SSBP2: variants seen among roughly 807,000 people sequenced by gnomAD.
The protein encoded by SSBP2 is single-stranded DNA-binding protein 2.
A neutral mutation model predicts 61.8 loss-of-function variants in SSBP2; 17 were observed. The ratio of observed to expected loss-of-function variants is 0.28; its 90% CI spans 0.19 to 0.41. The LOEUF (loss-of-function observed/expected upper bound fraction) is 0.41. SSBP2 is among the 10% of genes least tolerant of loss of function. The pLI is 1.00. For missense variants in SSBP2, 310 were observed against 458.7 expected, an observed-to-expected ratio of 0.68 and a Z score of 2.96; for synonymous variants, 139 against 141.3, an observed-to-expected ratio of 0.98 and a Z score of 0.12.
chr5:81,686,161 C>G (rs1752757122), intron 1 of SSBP2, among the ~76,000 whole-genome samples: 3 of 152,158 alleles, frequency 2.0e-5, no homozygotes, highest in Admixed American at 6.5e-5. Context: ...AAATAAAGAG[C>G]CACATTTATC....
intron 5 of SSBP2, among the ~76,000 whole-genome samples, chr5:81,491,364 TTTAGAAGTG>T (rs1478186095): frequency 6.6e-6 from 1 of 152,220 alleles, no homozygotes; most frequent in Non-Finnish European, 1.5e-5. Flanking sequence ...GAGATAAATA[TTTAGAAGTG>T]CCTCACTTGA....
chr5:81,493,495 C>T (rs909612978), intron 5 of SSBP2, among the ~76,000 whole-genome samples: 1 of 152,124 alleles, frequency 6.6e-6, no homozygotes, highest in African/African-American at 2.4e-5. Context: ...GTGACTCACA[C>T]CTGTAATCCC....
intron 2 of SSBP2, among the ~76,000 whole-genome samples, chr5:81,649,391 G>A (rs1183359405): frequency 6.6e-6 from 1 of 152,008 alleles, no homozygotes; most frequent in Non-Finnish European, 1.5e-5. Context: ...CCTATCAGTG[G>A]TGGATTAGAT....
chr5:81,429,391 G>A (rs188790355), intron 15 of SSBP2, among the ~76,000 whole-genome samples: 32 of 152,234 alleles, frequency 2.1e-4, no homozygotes, highest in African/African-American at 7.2e-4. Flanking sequence ...CACCAAGTTA[G>A]CAGTGCGTTG....
At chr5:81,724,426 T>G (rs1755739841) in intron 1 of SSBP2, among the ~76,000 whole-genome samples, 1 of 152,036 alleles carries the variant, frequency 6.6e-6, no homozygotes, top group Non-Finnish European at 1.5e-5. Context: ...GGGGGAGGAC[T>G]TGCCCTATCA....
At chr5:81,742,598 G>A (rs1264268704) in intron 1 of SSBP2, among the ~76,000 whole-genome samples, 9 of 152,146 alleles carry the variant, frequency 5.9e-5, no homozygotes, top group South Asian at 2.1e-4. Flanking sequence ...ACAAATGGCC[G>A]GGCTCAGTGG....
intron 1 of SSBP2, among the ~76,000 whole-genome samples, chr5:81,695,933 G>A (rs1270518852): frequency 2.0e-5 from 3 of 152,092 alleles, no homozygotes; most frequent in Non-Finnish European, 4.4e-5. Flanking sequence ...AAATGCATGA[G>A]TAATATTTTA....
chr5:81,467,697 T>C (rs1393919978), intron 8 of SSBP2, among the ~76,000 whole-genome samples: 4 of 152,018 alleles, frequency 2.6e-5, no homozygotes, highest in Non-Finnish European at 4.4e-5. Context: ...TTAGTTTAGT[T>C]GCCATAGGGA....
At chr5:81,614,432 C>A (rs1386718676) in intron 4 of SSBP2, among the ~76,000 whole-genome samples, 1 of 149,994 alleles carries the variant, frequency 6.7e-6, no homozygotes, top group African/African-American at 2.4e-5. Flanking sequence ...TCCCGTAAGT[C>A]TGCATGCTCT....
intron 5 of SSBP2, among the ~76,000 whole-genome samples, chr5:81,497,255 G>A (rs867696038): frequency 1.3e-5 from 2 of 152,020 alleles, no homozygotes; most frequent in Non-Finnish European, 2.9e-5. Flanking sequence ...AAATGGGTAC[G>A]GTATTAATTA....
chr5:81,547,864 G>C (rs907419843), intron 4 of SSBP2, among the ~76,000 whole-genome samples: 1 of 152,118 alleles, frequency 6.6e-6, no homozygotes, highest in Non-Finnish European at 1.5e-5. Context: ...TTCTGGAAAA[G>C]GCAAAAGGAG....
At chr5:81,579,556 A>G (rs1774487444) in intron 4 of SSBP2, among the ~76,000 whole-genome samples, 1 of 152,152 alleles carries the variant, frequency 6.6e-6, no homozygotes, top group Non-Finnish European at 1.5e-5. Flanking sequence ...GAACTACCTC[A>G]ATATGTTTTG....
intron 16 of SSBP2, among the ~76,000 whole-genome samples, chr5:81,427,704 A>G (rs997219376): frequency 3.9e-5 from 6 of 152,214 alleles, no homozygotes; most frequent in African/African-American, 1.4e-4. Context: ...GAATCCTGTG[A>G]AGATGAAATT....
intron 13 of SSBP2, 24 bp downstream of exon 13, chr5:81,442,629 A>G (rs1580695328): frequency 1.4e-6 from 2 of 1,405,892 alleles, no homozygotes; most frequent in Non-Finnish European, 2.0e-6. Flanking sequence ...ATACATTCCA[A>G]AAATAAAAAA....
chr5:81,452,307 T>C (rs778860726), intron 10 of SSBP2, among the ~76,000 whole-genome samples: 1 of 152,172 alleles, frequency 6.6e-6, no homozygotes, highest in African/African-American at 2.4e-5. Context: ...TTAAATATTT[T>C]GTACAGACAG....
intron 1 of SSBP2, among the ~76,000 whole-genome samples, chr5:81,715,901 T>C (rs1043279398): frequency 6.6e-6 from 1 of 151,802 alleles, no homozygotes; most frequent in Admixed American, 6.6e-5. Flanking sequence ...TACAAAAAAA[T>C]TTAAAAATCA....
At chr5:81,524,345 C>T (rs1769743654) in intron 4 of SSBP2, among the ~76,000 whole-genome samples, 1 of 152,070 alleles carries the variant, frequency 6.6e-6, no homozygotes, top group East Asian at 1.9e-4. Context: ...GTCTGGCAGG[C>T]CCACACTTTA....
Position 81,414,970 on chromosome 5 carries a change from T to C in SSBP2, c.*5534A>G, listed in dbSNP as rs1301561739. On this transcript the variant is annotated 3_prime_UTR_variant, in exon 17 of 17. Transcript: ENST00000320672. ...CACGCAACATATTTAGTATGCAAAA[T>C]GGAAGTATTATTAATAGTGGTTCAC... 3 of 152,168 alleles carry C rather than the reference T, an allele frequency of 2.0e-5. No individual in the cohort carries two copies. Among genetic ancestry groups the C allele is most frequent in the Non-Finnish European group, 4.4e-5 (3 of 68,028 alleles). The allele number at this position is 152,168 out of a possible 1,614,324, so 9.4% of individuals were successfully genotyped here.
At chr5:81,654,198 C>CA (rs1264881404) in intron 1 of SSBP2, among the ~76,000 whole-genome samples, 3 of 152,120 alleles carry the variant, frequency 2.0e-5, no homozygotes, top group Admixed American at 2.0e-4. Flanking sequence ...CTCCTGAACT[C>CA]AAGAGATCCT....
Sources: allele counts gnomAD v4.1 joint callset (sites outside exome capture counted in the v4.1 genomes callset), GRCh38; gene constraint gnomAD v4.1.1; transcripts MANE v1.5; gene names NCBI Gene and HGNC (gene_info 2026-07-23, HGNC 2026-07-21).